ARHGAP24: variants seen among roughly 807,000 people sequenced by gnomAD.
ARHGAP24 encodes rho GTPase-activating protein 24.
Under a neutral mutation model 76.4 loss-of-function variants are expected in ARHGAP24, and 50 were observed. That is an observed-to-expected ratio of 0.65 (90% confidence interval 0.52 to 0.83). The LOEUF is 0.83. Among genes scored for constraint, ARHGAP24 ranks in the 40% least tolerant of loss-of-function variants. The probability of loss-of-function intolerance (pLI) is 0.00; values close to 1 mark genes in which losing one functional copy is unlikely to be tolerated. For synonymous variants in ARHGAP24, 345 were observed against 323.3 expected (o/e 1.07, Z -0.72); for missense variants, 930 against 914.2 (o/e 1.02, Z -0.22).
intron 8 of ARHGAP24, among the ~76,000 whole-genome samples, chr4:85,984,002 G>A (rs890193653): frequency 1.3e-5 from 2 of 152,198 alleles, no homozygotes; most frequent in Non-Finnish European, 2.9e-5. Context: ...CAGTAAGCCT[G>A]CGAATGCAAA....
At chr4:85,922,654 G>A (rs1735790512) in intron 3 of ARHGAP24, among the ~76,000 whole-genome samples, 1 of 152,074 alleles carries the variant, frequency 6.6e-6, no homozygotes, top group Non-Finnish European at 1.5e-5. Flanking sequence ...TATTTTCAAA[G>A]ACAGTGAAGG....
intron 4 of ARHGAP24, among the ~76,000 whole-genome samples, chr4:85,937,593 G>A (rs1736717505): frequency 6.6e-6 from 1 of 152,180 alleles, no homozygotes; most frequent in Admixed American, 6.5e-5. Context: ...ATTAAAGAGT[G>A]TAGTAGTTAG....
intron 3 of ARHGAP24, among the ~76,000 whole-genome samples, chr4:85,805,286 A>G (rs1039726001): frequency 2.0e-5 from 3 of 152,148 alleles, no homozygotes; most frequent in Non-Finnish European, 4.4e-5. Flanking sequence ...CGTCCTTTCG[A>G]AAAGCACTAA....
At chr4:85,522,036 C>T (rs1724792157) in intron 1 of ARHGAP24, among the ~76,000 whole-genome samples, 1 of 152,114 alleles carries the variant, frequency 6.6e-6, no homozygotes, top group Admixed American at 6.6e-5. Context: ...TAGTATATAT[C>T]TCAATGTAAA....
intron 3 of ARHGAP24, among the ~76,000 whole-genome samples, chr4:85,833,139 T>G (rs1378117160): frequency 1.3e-5 from 2 of 152,244 alleles, no homozygotes; most frequent in African/African-American, 4.8e-5. Context: ...TCCTGATTCC[T>G]AAATCTGATA....
intron 4 of ARHGAP24, among the ~76,000 whole-genome samples, chr4:85,935,918 G>A (rs1560729647): frequency 6.6e-6 from 1 of 152,102 alleles, no homozygotes. Context: ...CACTGGTTAC[G>A]ATAGACCCTG....
At chr4:85,561,289 C>T (rs150851313) in intron 1 of ARHGAP24, among the ~76,000 whole-genome samples, 24 of 152,266 alleles carry the variant, frequency 1.6e-4, no homozygotes, top group African/African-American at 4.3e-4. Flanking sequence ...AAGTCCTAAG[C>T]CCTTCCAGCT....
At chr4:85,741,630 T>C (rs1228692076) in intron 3 of ARHGAP24, among the ~76,000 whole-genome samples, 1 of 152,192 alleles carries the variant, frequency 6.6e-6, no homozygotes, top group Non-Finnish European at 1.5e-5. Context: ...CTCAGTTACC[T>C]GGATGTGGGC....
At chr4:85,949,477 G>C (rs530799707) in intron 5 of ARHGAP24, among the ~76,000 whole-genome samples, 1 of 152,322 alleles carries the variant, frequency 6.6e-6, no homozygotes, top group South Asian at 2.1e-4. Flanking sequence ...TTACTGACAA[G>C]ACAGGTGCCT....
chr4:85,870,632 G>C (rs1732474175), intron 3 of ARHGAP24, among the ~76,000 whole-genome samples: 1 of 152,074 alleles, frequency 6.6e-6, no homozygotes, highest in Admixed American at 6.6e-5. Flanking sequence ...ACGAGTGCTT[G>C]GAGATTCAGG....
rs192393304 is a variant in ARHGAP24, at chr4:85,941,132, C to T, written c.392-934C>T. ...ATTCCATCTGGGAACAGTGGAGTCACATCTGCTTTGGCTGTTTTTTCCCCT... is the reference window on the plus strand; with the variant it reads ...ATTCCATCTGGGAACAGTGGAGTCATATCTGCTTTGGCTGTTTTTTCCCCT... On this transcript the variant is annotated intron_variant, in intron 4 of 9. Transcript: ENST00000395184. Among the ~76,000 whole-genome samples the T allele has an allele frequency of 1.8e-4, 28 of 152,282 alleles. 1 individual carries two copies. The highest frequency in any genetic ancestry group is 1.6e-3 in the Admixed American group (25 of 15,296).
chr4:85,652,873 G>A (rs1721996671), intron 2 of ARHGAP24, among the ~76,000 whole-genome samples: 1 of 152,164 alleles, frequency 6.6e-6, no homozygotes, highest in Non-Finnish European at 1.5e-5. Context: ...TGTGATTATT[G>A]TGACAAAAGA....
intron 1 of ARHGAP24, among the ~76,000 whole-genome samples, chr4:85,564,410 G>T (rs997219264): frequency 2.7e-5 from 4 of 149,258 alleles, no homozygotes; most frequent in Admixed American, 2.7e-4. Flanking sequence ...GGGGGAGCGG[G>T]GGGGATAGCA....
At chr4:85,910,250 A>T (rs1260208752) in intron 3 of ARHGAP24, among the ~76,000 whole-genome samples, 1 of 152,046 alleles carries the variant, frequency 6.6e-6, no homozygotes, top group African/African-American at 2.4e-5. Flanking sequence ...GGCCTGGGGA[A>T]CTCCCAAGTC....
rs546380337 is a variant in ARHGAP24 at position 85,698,827 on chromosome 4, A to G, written c.181-23058A>G. Among the ~76,000 whole-genome samples, 89 of 152,220 alleles carry G rather than the reference A, an allele frequency of 5.8e-4. 1 individual carries two copies. The highest frequency in any genetic ancestry group is 1.0e-3 in the Non-Finnish European group (69 of 67,992). ...AATCTCATGTTAAGTTGTAACCCCA[A>G]TGCTGGAGGTGGGGCTGGGCAGGAA... is the stretch of plus-strand genomic sequence containing the variant. On this transcript the variant is annotated intron_variant, in intron 2 of 9. Coordinates refer to ENST00000395184, the MANE Select transcript of ARHGAP24 (RefSeq NM_001025616.3).
chr4:85,883,434 T>C (rs1350623990), intron 3 of ARHGAP24, among the ~76,000 whole-genome samples: 1 of 152,154 alleles, frequency 6.6e-6, no homozygotes, highest in Non-Finnish European at 1.5e-5. Context: ...AAATGCACTA[T>C]GATAAGAGAC....
intron 5 of ARHGAP24, among the ~76,000 whole-genome samples, chr4:85,954,411 G>A (rs1434056930): frequency 6.6e-6 from 1 of 152,060 alleles, no homozygotes; most frequent in African/African-American, 2.4e-5. Flanking sequence ...CTTATCATCT[G>A]CCTTCCCCAT....
At chr4:85,659,711 C>A (rs988545481) in intron 2 of ARHGAP24, among the ~76,000 whole-genome samples, 1 of 152,070 alleles carries the variant, frequency 6.6e-6, no homozygotes, top group Non-Finnish European at 1.5e-5. Flanking sequence ...TATTATAGTT[C>A]TTTCATCTCC....
chr4:85,789,737 G>A (rs955196889), intron 3 of ARHGAP24, among the ~76,000 whole-genome samples: 1 of 152,206 alleles, frequency 6.6e-6, no homozygotes, highest in African/African-American at 2.4e-5. Flanking sequence ...AACCGTTCCA[G>A]TGCATTCACT....
Sources: allele counts gnomAD v4.1 joint callset (sites outside exome capture counted in the v4.1 genomes callset), GRCh38; gene constraint gnomAD v4.1.1; transcripts MANE v1.5; gene names NCBI Gene and HGNC (gene_info 2026-07-23, HGNC 2026-07-21).